The following PTK2B variants were observed in gnomAD, a reference collection of about 807,000 sequenced individuals.
PTK2B encodes protein tyrosine kinase 2 beta.
A neutral mutation model predicts 142.9 loss-of-function variants in PTK2B; 71 were observed. The observed-to-expected ratio is 0.50, with a 90% CI of 0.41 to 0.61. PTK2B has a LOEUF of 0.61. PTK2B is among the 20% of genes least tolerant of loss of function. The pLI is 0.00. For missense variants in PTK2B, 1,105 were observed against 1,320.4 expected (o/e 0.84, Z 2.53); for synonymous variants, 519 against 503.4 (o/e 1.03, Z -0.42).
chr8:27,390,765 GAAGT>G (rs2131304673), intron 1 of PTK2B, among the ~76,000 whole-genome samples: 1 of 152,310 alleles, frequency 6.6e-6, no homozygotes, highest in Admixed American at 6.5e-5. Context: ...GGAGTTTGCA[GAAGT>G]AATGGAAGTA....
At chr8:27,372,374 A>G (rs955391296) in intron 1 of PTK2B, among the ~76,000 whole-genome samples, 1 of 152,120 alleles carries the variant, frequency 6.6e-6, no homozygotes, top group African/African-American at 2.4e-5. Context: ...AGGAAGAGTT[A>G]ATGTTTCAGT....
At position 27,341,519 on chromosome 8, in the gene PTK2B, A is replaced by C. The variant is rs578136596; in HGVS notation, c.-38+15838A>C. 5.9e-5 allele frequency among the ~76,000 whole-genome samples: 9 copies of C among 151,868 alleles called. No individual in the cohort carries two copies. The South Asian group carries it at 1.9e-3, about 32-fold the overall frequency. On this transcript the variant is annotated intron_variant, in intron 1 of 30. Coordinates refer to ENST00000346049, the MANE Select transcript of PTK2B (RefSeq NM_173176.3). ...CCCAAAAGAGCTGAGTGAGTGGAGG[A>C]CTCCCTGGCCCCAGGATGCGGCCAC...
intron 1 of PTK2B, among the ~76,000 whole-genome samples, chr8:27,343,008 C>G (rs1354110298): frequency 1.3e-5 from 2 of 152,168 alleles, no homozygotes; most frequent in Admixed American, 6.5e-5. Flanking sequence ...TGAAGCCACC[C>G]CTGAGCTGAT....
At chr8:27,370,984 C>G (rs1806320482) in intron 1 of PTK2B, among the ~76,000 whole-genome samples, 1 of 152,076 alleles carries the variant, frequency 6.6e-6, no homozygotes, top group South Asian at 2.1e-4. Context: ...CAGCCTCTGC[C>G]TCCTGGGTTC....
chr8:27,390,263 C>T lies in PTK2B; in HGVS notation c.-37-7285C>T, dbSNP rs75608491. 6.1e-3 allele frequency among the ~76,000 whole-genome samples: 931 copies of T among 152,248 alleles called. 10 individuals carry two copies. The highest frequency in any genetic ancestry group is 0.022 in the African/African-American group (903 of 41,534). On this transcript the variant is annotated intron_variant, in intron 1 of 30. Coordinates refer to ENST00000346049, the MANE Select transcript of PTK2B (RefSeq NM_173176.3). ...GCTGGGTGAAAAGGCAGCCTCAGTG[C>T]ACGGAGCACTGGAGGTAGAAGGGGC...
chr8:27,422,636 G>GAGCAGGCTT (rs1809834434), intron 5 of PTK2B, among the ~76,000 whole-genome samples: 1 of 152,208 alleles, frequency 6.6e-6, no homozygotes, highest in South Asian at 2.1e-4. Context: ...TTGCCTGCAG[G>GAGCAGGCTT]CTGCTGGCTT....
rs1362795120 is a variant in PTK2B at position 27,403,844 on chromosome 8, C to G, written c.204+6056C>G. 6.0e-5 allele frequency among the ~76,000 whole-genome samples: 9 copies of G among 151,214 alleles called. No individual in the cohort carries two copies. The South Asian group carries it at 1.3e-3, about 21-fold the overall frequency. ...TTCTTTCTTTTTTCTTCTTTCTTCT[C>G]TCTTCTTTCTTTTTTCTTCTTCTTT... On this transcript the variant is annotated intron_variant, in intron 2 of 30. Coordinates refer to ENST00000346049, the MANE Select transcript of PTK2B (RefSeq NM_173176.3).
chr8:27,323,096 A>G (rs575942619), upstream of PTK2B, among the ~76,000 whole-genome samples: 23 of 152,252 alleles, frequency 1.5e-4, no homozygotes, highest in Non-Finnish European at 1.2e-4. Context: ...TAGTGAAAAG[A>G]TAAGAAAAGA....
At chr8:27,377,814 C>T (rs1348535398) in intron 1 of PTK2B, among the ~76,000 whole-genome samples, 2 of 152,180 alleles carry the variant, frequency 1.3e-5, no homozygotes, top group Non-Finnish European at 2.9e-5. Context: ...GAGCACAGTT[C>T]ACAGGTAAAG....
At chr8:27,339,401 A>G (rs1804258210) in intron 1 of PTK2B, among the ~76,000 whole-genome samples, 1 of 152,080 alleles carries the variant, frequency 6.6e-6, no homozygotes, top group South Asian at 2.1e-4. Flanking sequence ...CAGAGGCCAC[A>G]CTCACCACCT....
At chr8:27,451,870 T>G in intron 27 of PTK2B, 1 of 694,488 alleles carries the variant, frequency 1.4e-6, no homozygotes, top group Non-Finnish European at 1.9e-6. Flanking sequence ...CCTGTCCCAG[T>G]TCAGATTCAT....
intron 1 of PTK2B, among the ~76,000 whole-genome samples, chr8:27,369,846 A>G (rs916813222): frequency 6.6e-5 from 10 of 151,724 alleles, no homozygotes; most frequent in Admixed American, 3.9e-4. Flanking sequence ...GCATGGTGGC[A>G]TGTGCCTGTA....
At chr8:27,360,353 G>A (rs557808663) in intron 1 of PTK2B, among the ~76,000 whole-genome samples, 1 of 152,356 alleles carries the variant, frequency 6.6e-6, no homozygotes, top group Non-Finnish European at 1.5e-5. Flanking sequence ...GCCGGCAAGC[G>A]CCGCAGAGAA....
At position 27,397,630 on chromosome 8, in the gene PTK2B, T is replaced by A; in HGVS notation, c.46T>A (p.Leu16Ile). The change falls in exon 2 of 31, where the codon TTA becomes ATA. Residue 16 changes from leucine to isoleucine, a missense_variant. Leu to Ile is a conservative substitution (Grantham distance 5). Transcript: ENST00000346049. ...CCTGAGTCGAGTAAAGTTGGGCACG[T>A]TACGCCGGCCTGAAGGCCCTGCAGA... ...EPLSRVKLGT[L>I]RRPEGPAEPM... is the part of the protein sequence containing the mutation. 1.9e-6 allele frequency: 3 copies of A among 1,614,124 alleles called. No individual in the cohort carries two copies. The highest frequency in any genetic ancestry group is 1.7e-4 in the Middle Eastern group (1 of 6,034).
At chr8:27,348,192 C>T (rs1804825440) in intron 1 of PTK2B, among the ~76,000 whole-genome samples, 1 of 152,226 alleles carries the variant, frequency 6.6e-6, no homozygotes, top group Non-Finnish European at 1.5e-5. Flanking sequence ...AACTGGATGC[C>T]TGAAGTCTGT....
In PTK2B at chr8:27,451,065, A is replaced by T. The variant is rs754127475; in HGVS notation, c.2510A>T (p.Asp837Val). ...CAGGACCCCATGGTTTATATGAATG[A>T]TAAGTCCCCATTGGTGAGTTGCCAG... is the stretch of plus-strand genomic sequence containing the variant. The part of the protein sequence containing the change: ...KSLDPMVYMN[D>V]KSPLTPEKEV... Residue 837 changes from aspartate to valine, a missense_variant, in exon 26 of 31, where the codon GAT becomes GTT. Transcript: ENST00000346049. 2.5e-6 allele frequency: 4 copies of T among 1,612,734 alleles called. No homozygotes were observed. The highest frequency in any genetic ancestry group is 3.4e-6 in the Non-Finnish European group (4 of 1,178,834).
chr8:27,313,541 C>T (rs1177527545), intron 3 of PTK2B, among the ~76,000 whole-genome samples: 2 of 152,200 alleles, frequency 1.3e-5, no homozygotes, highest in Non-Finnish European at 2.9e-5. Flanking sequence ...TGCTGGCCCA[C>T]TTCTGGAGTC....
chr8:27,353,506 T>C (rs1284071218), intron 1 of PTK2B, among the ~76,000 whole-genome samples: 25 of 152,164 alleles, frequency 1.6e-4, no homozygotes, highest in Non-Finnish European at 3.4e-4. Context: ...GATCTGTGAG[T>C]GTGAGTAAAC....
chr8:27,338,877 C>CA (rs1804231343), intron 1 of PTK2B, among the ~76,000 whole-genome samples: 1 of 152,184 alleles, frequency 6.6e-6, no homozygotes, highest in South Asian at 2.1e-4. Flanking sequence ...ACAATGGACT[C>CA]ATGAATGAAT....
Sources: allele counts gnomAD v4.1 joint callset (sites outside exome capture counted in the v4.1 genomes callset), GRCh38; gene constraint gnomAD v4.1.1; transcripts MANE v1.5; gene names NCBI Gene and HGNC (gene_info 2026-07-23, HGNC 2026-07-21).